HTR1E: variants seen among roughly 807,000 people sequenced by gnomAD.
The protein encoded by HTR1E is 5-hydroxytryptamine receptor 1E.
A neutral mutation model predicts 3.4 loss-of-function variants in HTR1E; 3 were observed. The observed-to-expected ratio is 0.89, with a 90% CI of 0.41 to 2.31. HTR1E has a LOEUF of 2.31. HTR1E is among the 30% of genes most tolerant of loss of function. The probability of loss-of-function intolerance (pLI) is 0.05; values close to 1 mark genes in which losing one functional copy is unlikely to be tolerated. For synonymous variants in HTR1E, 170 were observed against 182.8 expected (o/e 0.93, Z 0.56); for missense variants, 392 against 467.0 (o/e 0.84, Z 1.48).
intron 1 of HTR1E, among the ~76,000 whole-genome samples, chr6:86,954,057 T>A (rs968812582): frequency 2.0e-5 from 3 of 152,188 alleles, no homozygotes; most frequent in Non-Finnish European, 4.4e-5. Context: ...ATATGAGATT[T>A]GGGTGGGGAC....
chr6:86,978,407 A>G (rs1767667920), intron 1 of HTR1E, among the ~76,000 whole-genome samples: 1 of 152,192 alleles, frequency 6.6e-6, no homozygotes, highest in Non-Finnish European at 1.5e-5. Flanking sequence ...TGTTAAGAAC[A>G]TACGTTACAT....
intron 1 of HTR1E, among the ~76,000 whole-genome samples, chr6:86,970,082 TTC>T (rs1767527832): frequency 6.6e-6 from 1 of 152,220 alleles, no homozygotes; most frequent in South Asian, 2.1e-4. Context: ...AAGCTCAATT[TTC>T]TGTCACTTCT....
At chr6:86,997,550 A>G (rs183265768) in intron 1 of HTR1E, among the ~76,000 whole-genome samples, 100 of 151,970 alleles carry the variant, frequency 6.6e-4, no homozygotes, top group East Asian at 1.9e-4. Context: ...CTAAAAATAT[A>G]TATGTGAAAA....
chr6:86,994,846 G>T (rs796167499), intron 1 of HTR1E, among the ~76,000 whole-genome samples: 15 of 152,136 alleles, frequency 9.9e-5, no homozygotes, highest in African/African-American at 3.6e-4. Context: ...TGGAAAGAGG[G>T]TAAAATTATA....
At chr6:86,975,226 T>C (rs988960143) in intron 1 of HTR1E, among the ~76,000 whole-genome samples, 4 of 152,356 alleles carry the variant, frequency 2.6e-5, no homozygotes, top group Non-Finnish European at 5.9e-5. Flanking sequence ...TCCAACTCCA[T>C]TGAGTTTATT....
At position 86,961,526 on chromosome 6, in the gene HTR1E, T is replaced by G. The variant is rs538966776; in HGVS notation, c.-186+23703T>G. Among the ~76,000 whole-genome samples the G allele has an allele frequency of 4.6e-4, 70 of 152,190 alleles. 1 individual carries two copies. The highest frequency in any genetic ancestry group is 7.4e-4 in the Non-Finnish European group (50 of 67,932). On this transcript the variant is annotated intron_variant, in intron 1 of 1. Coordinates refer to ENST00000305344, the MANE Select transcript of HTR1E (RefSeq NM_000865.3). The stretch of plus-strand genomic sequence containing the variant: ...CTTCCTGAGTATCCGGCTATTCTAA[T>G]TAATTTTCTCCTCCTTATCAGCGGA...
chr6:86,963,787 T>C (rs1212799630), intron 1 of HTR1E, among the ~76,000 whole-genome samples: 1 of 152,244 alleles, frequency 6.6e-6, no homozygotes, highest in African/African-American at 2.4e-5. Context: ...TGTAGTAGGC[T>C]ATACCATCTA....
chr6:87,010,543 G>A (rs1221448290), intron 1 of HTR1E, among the ~76,000 whole-genome samples: 1 of 141,290 alleles, frequency 7.1e-6, no homozygotes, highest in Admixed American at 7.0e-5. Context: ...CCACATCTCA[G>A]ACGATGGGCG....
chr6:86,977,564 G>C (rs1767656003), intron 1 of HTR1E, among the ~76,000 whole-genome samples: 1 of 152,124 alleles, frequency 6.6e-6, no homozygotes. Context: ...TGGGATTGCT[G>C]GGTCTAATGG....
intron 1 of HTR1E, among the ~76,000 whole-genome samples, chr6:86,988,192 G>C (rs1042487298): frequency 6.6e-6 from 1 of 152,020 alleles, no homozygotes; most frequent in African/African-American, 2.4e-5. Flanking sequence ...CCCTTCTTTG[G>C]TACCACATCA....
chr6:86,973,324 GTGTGTGTC>G (rs1475776016), intron 1 of HTR1E, among the ~76,000 whole-genome samples: 14 of 141,764 alleles, frequency 9.9e-5, no homozygotes, highest in African/African-American at 3.2e-4. Flanking sequence ...GTGTGTGTGT[GTGTGTGTC>G]TGTGTGTGTG....
intron 1 of HTR1E, among the ~76,000 whole-genome samples, chr6:87,012,884 A>AGGG (rs1178433889): frequency 2.0e-5 from 3 of 152,252 alleles, no homozygotes; most frequent in Non-Finnish European, 4.4e-5. Flanking sequence ...GACAAGTGGC[A>AGGG]GGGTCAGCAT....
chr6:86,941,722 C>A (rs991236771), intron 1 of HTR1E, among the ~76,000 whole-genome samples: 4 of 152,146 alleles, frequency 2.6e-5, no homozygotes, highest in African/African-American at 9.7e-5. Flanking sequence ...AGAAGGAAAG[C>A]ATTTTATAGC....
At chr6:86,983,365 A>G (rs1767739612) in intron 1 of HTR1E, among the ~76,000 whole-genome samples, 1 of 152,198 alleles carries the variant, frequency 6.6e-6, no homozygotes, top group Non-Finnish European at 1.5e-5. Context: ...AAATTTAAAG[A>G]TATTCATTTG....
chr6:87,005,676 C>A (rs1768092712), intron 1 of HTR1E, among the ~76,000 whole-genome samples: 1 of 152,130 alleles, frequency 6.6e-6, no homozygotes, highest in Non-Finnish European at 1.5e-5. Context: ...AGACATTAGT[C>A]TGGACAAAGA....
At chr6:86,965,997 T>A (rs1767466640) in intron 1 of HTR1E, among the ~76,000 whole-genome samples, 1 of 148,292 alleles carries the variant, frequency 6.7e-6, no homozygotes. Flanking sequence ...CCCAAAAACC[T>A]ATGGAAATAA....
intron 1 of HTR1E, among the ~76,000 whole-genome samples, chr6:86,964,147 A>G (rs910441485): frequency 4.7e-4 from 71 of 152,228 alleles, no homozygotes; most frequent in African/African-American, 1.7e-3. Flanking sequence ...CCAGTCTTCT[A>G]GTTTGAAAAA....
rs185864838 is a variant in HTR1E, at chr6:86,961,063, A to C, written c.-186+23240A>C. ...AGTGATAAAAATGAAGCTAGGAACTATCAAGAGAGCCTGGTCCTATTTCCA... is the reference window on the plus strand; with the variant it reads ...AGTGATAAAAATGAAGCTAGGAACTCTCAAGAGAGCCTGGTCCTATTTCCA... On this transcript the variant is annotated intron_variant, in intron 1 of 1. Coordinates refer to ENST00000305344, the MANE Select transcript of HTR1E (RefSeq NM_000865.3). 3.9e-5 allele frequency among the ~76,000 whole-genome samples: 6 copies of C among 152,372 alleles called. No individual in the cohort carries two copies. In the East Asian group the frequency reaches 1.2e-3, roughly 29 times the overall value.
intron 1 of HTR1E, among the ~76,000 whole-genome samples, chr6:86,994,963 G>C (rs1049937819): frequency 2.0e-5 from 3 of 152,006 alleles, no homozygotes; most frequent in South Asian, 2.1e-4. Context: ...ACTACTAAAA[G>C]AGCTCTACAA....
Sources: gnomAD v4.1 joint callset for allele counts (sites outside exome capture counted in the v4.1 genomes callset) on GRCh38, gnomAD v4.1.1 for gene constraint, MANE v1.5 for transcripts, NCBI Gene and HGNC (gene_info 2026-07-23, HGNC 2026-07-21) for gene names.